SMYD3: variants seen among roughly 807,000 people sequenced by gnomAD.
The protein encoded by SMYD3 is histone-lysine N-methyltransferase SMYD3.
A neutral mutation model predicts 57.7 loss-of-function variants in SMYD3; 36 were observed. The ratio of observed to expected loss-of-function variants is 0.62; its 90% CI spans 0.48 to 0.82. SMYD3 has a LOEUF of 0.82. SMYD3 is among the 40% of genes least tolerant of loss of function. SMYD3 has a pLI of 0.00. For synonymous variants in SMYD3, 211 were observed against 195.0 expected (o/e 1.08, Z -0.68); for missense variants, 515 against 538.8 (o/e 0.96, Z 0.44).
At chr1:245,855,553 G>A (rs779226642) in intron 10 of SMYD3, among the ~76,000 whole-genome samples, 37 of 152,234 alleles carry the variant, frequency 2.4e-4, no homozygotes, top group Non-Finnish European at 4.0e-4. Flanking sequence ...CAATGCTAAG[G>A]GACAGATGAG....
chr1:246,376,780 T>C (rs1170684474), intron 1 of SMYD3, among the ~76,000 whole-genome samples: 1 of 151,886 alleles, frequency 6.6e-6, no homozygotes, highest in African/African-American at 2.4e-5. Flanking sequence ...TTTAATGTAT[T>C]ACAGATTAAA....
intron 5 of SMYD3, 75 bp from the exon 6 acceptor site, chr1:245,930,012 T>C: frequency 7.6e-7 from 1 of 1,307,912 alleles, no homozygotes; most frequent in Non-Finnish European, 1.1e-6. Context: ...ATAAAAAACG[T>C]TCAAACCCAA....
chr1:246,259,260 TG>T (rs775300615), intron 5 of SMYD3, among the ~76,000 whole-genome samples: 5 of 152,214 alleles, frequency 3.3e-5, no homozygotes, highest in Admixed American at 2.0e-4. Flanking sequence ...TGCAATCCTT[TG>T]GTGGTGTTAC....
At chr1:246,010,390 A>T (rs1365947677) in intron 5 of SMYD3, among the ~76,000 whole-genome samples, 1 of 152,056 alleles carries the variant, frequency 6.6e-6, no homozygotes, top group African/African-American at 2.4e-5. Flanking sequence ...AAGACCTAAA[A>T]CTCTAGCGTG....
chr1:246,417,813 T>C (rs2067085260), intron 1 of SMYD3, among the ~76,000 whole-genome samples: 1 of 152,150 alleles, frequency 6.6e-6, no homozygotes, highest in Non-Finnish European at 1.5e-5. Context: ...TTTCATTAGT[T>C]TTACAAATGC....
At chr1:245,940,562 T>TA (rs1000590877) in intron 5 of SMYD3, among the ~76,000 whole-genome samples, 6 of 92,984 alleles carry the variant, frequency 6.5e-5, no homozygotes, top group African/African-American at 1.1e-4. Flanking sequence ...TCTTGACTGT[T>TA]AAAAAAACAA....
chr1:246,358,716 T>C (rs2065944403), intron 1 of SMYD3, among the ~76,000 whole-genome samples: 1 of 152,184 alleles, frequency 6.6e-6, no homozygotes, highest in Non-Finnish European at 1.5e-5. Context: ...TGGATGATTG[T>C]TGGGTCAACA....
chr1:246,409,034 T>C (rs1298177157), intron 1 of SMYD3, among the ~76,000 whole-genome samples: 2 of 150,864 alleles, frequency 1.3e-5, no homozygotes, highest in African/African-American at 2.4e-5. Context: ...GGTTTTTTTT[T>C]CTTGTAAATT....
At chr1:246,490,543 G>C (rs1335035052) in intron 1 of SMYD3, among the ~76,000 whole-genome samples, 1 of 152,310 alleles carries the variant, frequency 6.6e-6, no homozygotes, top group African/African-American at 2.4e-5. Context: ...ACCAAATTAA[G>C]ACCTAAATTA....
chr1:246,384,224 T>G (rs977058719), intron 1 of SMYD3, among the ~76,000 whole-genome samples: 8 of 152,192 alleles, frequency 5.3e-5, no homozygotes, highest in African/African-American at 1.9e-4. Flanking sequence ...CTAAATAATG[T>G]GTTTCTTCAT....
At chr1:246,316,584 T>C (rs1293564445) in intron 5 of SMYD3, among the ~76,000 whole-genome samples, 2 of 144,592 alleles carry the variant, frequency 1.4e-5, no homozygotes, top group African/African-American at 5.1e-5. Context: ...TTTCACCATG[T>C]TGCCCAGGAT....
At chr1:245,896,885 A>G (rs375678462) in intron 8 of SMYD3, among the ~76,000 whole-genome samples, 3,479 of 13,972 alleles carry the variant, frequency 0.25, 152 homozygotes, top group African/African-American at 0.26. Flanking sequence ...ACAGAAGGGA[A>G]GAGCACAGAA....
At chr1:246,273,147 T>TTTTTTC (rs2064256393) in intron 5 of SMYD3, among the ~76,000 whole-genome samples, 1 of 131,660 alleles carries the variant, frequency 7.6e-6, no homozygotes, top group South Asian at 2.6e-4. Context: ...TTTTTTTTTT[T>TTTTTTC]TTTTTCTTTT....
At chr1:246,102,079 A>T (rs2061025084) in intron 5 of SMYD3, among the ~76,000 whole-genome samples, 1 of 152,064 alleles carries the variant, frequency 6.6e-6, no homozygotes, top group South Asian at 2.1e-4. Context: ...ATCTCCAGGC[A>T]CCTCATATGG....
At position 245,756,956 on chromosome 1, in the gene SMYD3, C is replaced by CT. The variant is rs529708744; in HGVS notation, c.1185+7084dup. On this transcript the variant is annotated intron_variant, in intron 11 of 11. Transcript: ENST00000490107. ...TTTGCAAAGTTTTCCACTATTAATT[C>CT]TTTTTTTAAAAACAATATGGTAAAG... is the stretch of plus-strand genomic sequence containing the variant. Among the ~76,000 whole-genome samples the CT allele has an allele frequency of 9.2e-5, 14 of 152,048 alleles. No individual in the cohort carries two copies. In the East Asian group the frequency reaches 2.5e-3, roughly 27 times the overall value.
chr1:246,036,991 C>T (rs2059787715), intron 5 of SMYD3, among the ~76,000 whole-genome samples: 1 of 152,038 alleles, frequency 6.6e-6, no homozygotes, highest in South Asian at 2.1e-4. Flanking sequence ...TTTTTTATGG[C>T]TTCAGAGAAT....
chr1:245,919,398 G>T (rs1053429253), intron 7 of SMYD3, among the ~76,000 whole-genome samples: 1 of 152,088 alleles, frequency 6.6e-6, no homozygotes, highest in Non-Finnish European at 1.5e-5. Context: ...GGGCATCACT[G>T]GCTAAGCGAG....
At chr1:246,095,586 C>A (rs2060900224) in intron 5 of SMYD3, among the ~76,000 whole-genome samples, 1 of 152,162 alleles carries the variant, frequency 6.6e-6, no homozygotes, top group Non-Finnish European at 1.5e-5. Context: ...GTAAAAGACA[C>A]AAGGAAAGGG....
chr1:246,034,907 CTACTTTATAAGTA>C (rs2059743920), intron 5 of SMYD3, among the ~76,000 whole-genome samples: 1 of 152,164 alleles, frequency 6.6e-6, no homozygotes, highest in South Asian at 2.1e-4. Flanking sequence ...AAGCTCCTGG[CTACTTTATAAGTA>C]TACTTTATAA....
Sources: allele counts gnomAD v4.1 joint callset (sites outside exome capture counted in the v4.1 genomes callset), GRCh38; gene constraint gnomAD v4.1.1; transcripts MANE v1.5; gene names NCBI Gene and HGNC (gene_info 2026-07-23, HGNC 2026-07-21).